Variants in FRMD6 observed in about 807,000 individuals in gnomAD.
FRMD6 encodes FERM domain-containing protein 6.
Under a neutral mutation model 73.2 loss-of-function variants are expected in FRMD6, and 37 were observed. That is an observed-to-expected ratio of 0.51 (90% CI 0.39 to 0.66). FRMD6 has a LOEUF of 0.66. Among genes scored for constraint, FRMD6 ranks in the 30% least tolerant of loss-of-function variants. FRMD6 has a pLI of 0.00. For synonymous variants in FRMD6, 273 were observed against 282.2 expected, an observed-to-expected ratio of 0.97 and a Z score of 0.33; for missense variants, 714 against 780.5, an observed-to-expected ratio of 0.91 and a Z score of 1.02.
rs1226596002 is a variant in FRMD6 at position 51,505,816 on chromosome 14, C to T, written c.-210+16396C>T. Among the ~76,000 whole-genome samples, 4 of 152,170 alleles carry T rather than the reference C, an allele frequency of 2.6e-5. No homozygotes were observed. The East Asian group carries it at 5.8e-4, about 22-fold the overall frequency. On this transcript the variant is annotated intron_variant, in intron 1 of 14. Coordinates refer to the FRMD6 transcript ENST00000356218. ...AGGTTTTATCTCATACATTTCTCTGCTCTAACCCCGCACTGCCCATGGCTT... is the reference window on the plus strand; with the variant it reads ...AGGTTTTATCTCATACATTTCTCTGTTCTAACCCCGCACTGCCCATGGCTT...
chr14:51,640,267 A>G (rs1424474693), intron 2 of FRMD6, among the ~76,000 whole-genome samples: 1 of 152,220 alleles, frequency 6.6e-6, no homozygotes, highest in African/African-American at 2.4e-5. Flanking sequence ...AGGTAAGGAT[A>G]GAGTTACAAT....
intron 2 of FRMD6, among the ~76,000 whole-genome samples, chr14:51,610,113 C>T (rs538753729): frequency 3.9e-4 from 59 of 151,772 alleles, no homozygotes; most frequent in Non-Finnish European, 7.4e-4. Context: ...CAAGTGCTGA[C>T]TCATCTTTCA....
chr14:51,565,204 G>A (rs1341646142), intron 1 of FRMD6: 2 of 152,214 alleles, frequency 1.3e-5, no homozygotes, highest in East Asian at 3.8e-4. Flanking sequence ...CTAATGCCTG[G>A]CAGGACAAGT....
intron 1 of FRMD6, among the ~76,000 whole-genome samples, chr14:51,551,714 G>C (rs1390186829): frequency 6.6e-6 from 1 of 151,800 alleles, no homozygotes; most frequent in Non-Finnish European, 1.5e-5. Context: ...TCCAGCCTGG[G>C]TGACAAAATG....
the FRMD6 span, among the ~76,000 whole-genome samples, chr14:51,435,604 T>G: frequency 6.6e-6 from 1 of 152,250 alleles, no homozygotes; most frequent in South Asian, 2.1e-4. Flanking sequence ...TAAATCATAT[T>G]CAAAACTATT....
chr14:51,694,578 T>C (rs529228000), intron 2 of FRMD6, among the ~76,000 whole-genome samples: 45 of 152,208 alleles, frequency 3.0e-4, no homozygotes, highest in African/African-American at 1.1e-3. Flanking sequence ...TGGTCCTAGC[T>C]ACTTGGAAGG....
At chr14:51,534,364 A>G (rs2140343805) in intron 1 of FRMD6, among the ~76,000 whole-genome samples, 1 of 152,334 alleles carries the variant, frequency 6.6e-6, no homozygotes, top group Non-Finnish European at 1.5e-5. Flanking sequence ...TAATTACAAC[A>G]GTGCTGCATG....
Position 51,562,046 on chromosome 14 carries a change from T to A in FRMD6, c.-209-8302T>A, listed in dbSNP as rs939870829. 7.9e-5 allele frequency among the ~76,000 whole-genome samples: 12 copies of A among 152,218 alleles called. No individual in the cohort carries two copies. In the East Asian group the frequency reaches 1.9e-3, roughly 24 times the overall value. ...GAATCAAAGATTCCCACCGTGGCTT[T>A]TTTATCTGCCTTTTAGGGCCCAAGT... On this transcript the variant is annotated intron_variant, in intron 1 of 14. Transcript: ENST00000356218.
intron 1 of FRMD6, among the ~76,000 whole-genome samples, chr14:51,536,668 T>C (rs4901133): frequency 0.6 from 90,778 of 151,830 alleles, 29,624 homozygotes; most frequent in African/African-American, 0.86. Flanking sequence ...CTGCCCGCCT[T>C]GGCCTCCCAA....
chr14:51,502,846 AT>A (rs1883699559), intron 1 of FRMD6, among the ~76,000 whole-genome samples: 1 of 152,144 alleles, frequency 6.6e-6, no homozygotes, highest in Non-Finnish European at 1.5e-5. Context: ...ATGTTTTTCC[AT>A]TTGTTTGTGT....
intron 1 of FRMD6, among the ~76,000 whole-genome samples, chr14:51,563,266 A>G (rs77036292): frequency 0.011 from 1,741 of 152,330 alleles, 16 homozygotes; most frequent in South Asian, 0.03. Flanking sequence ...GGGCAGAGTG[A>G]AAGACCCCAT....
intron 1 of FRMD6, among the ~76,000 whole-genome samples, chr14:51,501,216 CTTTTA>C (rs1307643993): frequency 4.6e-5 from 7 of 152,176 alleles, no homozygotes; most frequent in Non-Finnish European, 8.8e-5. Flanking sequence ...TGTTCTTCAA[CTTTTA>C]TTTTAAGTTC....
chr14:51,437,156 C>G, the FRMD6 span, among the ~76,000 whole-genome samples: 1 of 152,130 alleles, frequency 6.6e-6, no homozygotes, highest in Non-Finnish European at 1.5e-5. Context: ...CCCCGACAGG[C>G]CCCGGTGTGT....
At chr14:51,664,249 C>T (rs933939449) in intron 1 of FRMD6, among the ~76,000 whole-genome samples, 2 of 152,176 alleles carry the variant, frequency 1.3e-5, no homozygotes, top group African/African-American at 2.4e-5. Flanking sequence ...GAAAAATTGC[C>T]TCGTTAAAAT....
intron 2 of FRMD6, among the ~76,000 whole-genome samples, chr14:51,628,263 C>A (rs192805126): frequency 1.3e-5 from 2 of 152,230 alleles, no homozygotes; most frequent in East Asian, 3.9e-4. Context: ...ATGAAGATCA[C>A]TTTATGAATT....
intron 2 of FRMD6, among the ~76,000 whole-genome samples, chr14:51,603,751 C>T (rs940513969): frequency 6.6e-6 from 1 of 152,060 alleles, no homozygotes; most frequent in South Asian, 2.1e-4. Context: ...CTCAGTTTTC[C>T]GAGTTCTCAA....
At chr14:51,479,211 AG>A in the FRMD6 span, among the ~76,000 whole-genome samples, 3 of 152,220 alleles carry the variant, frequency 2.0e-5, no homozygotes, top group Admixed American at 6.5e-5. Flanking sequence ...GGCCACTTTT[AG>A]ACCATAAACT....
chr14:51,558,605 A>T (rs1887291086), intron 1 of FRMD6, among the ~76,000 whole-genome samples: 1 of 152,230 alleles, frequency 6.6e-6, no homozygotes, highest in South Asian at 2.1e-4. Flanking sequence ...AAATGTCATA[A>T]TATAGTATAA....
At chr14:51,625,335 C>T (rs1017692014) in intron 2 of FRMD6, among the ~76,000 whole-genome samples, 5 of 152,056 alleles carry the variant, frequency 3.3e-5, no homozygotes, top group South Asian at 2.1e-4. Flanking sequence ...AGAAGAGGTC[C>T]GATAATTTCT....
Sources: gnomAD v4.1 joint callset for allele counts (sites outside exome capture counted in the v4.1 genomes callset) on GRCh38, gnomAD v4.1.1 for gene constraint, MANE v1.5 for transcripts, NCBI Gene and HGNC (gene_info 2026-07-23, HGNC 2026-07-21) for gene names.